PSIP1: variants seen among roughly 807,000 people sequenced by gnomAD.
PSIP1 encodes PC4 and SRSF1 interacting protein 1, also known as PC4 and SFRS1-interacting protein.
Under a neutral mutation model 74.7 loss-of-function variants are expected in PSIP1, and 19 were observed. The observed-to-expected ratio is 0.25, with a 90% CI of 0.18 to 0.37. PSIP1 has a LOEUF of 0.37. Ranked by LOEUF, PSIP1 falls within the 10% of genes least tolerant of loss-of-function variation. The probability of loss-of-function intolerance (pLI) is 1.00; values close to 1 mark genes in which losing one functional copy is unlikely to be tolerated. For synonymous variants in PSIP1, 222 were observed against 195.3 expected (o/e 1.14, Z -1.14); for missense variants, 601 against 614.3 (o/e 0.98, Z 0.23).
At chr9:15,492,656 C>A (rs1376907627) in intron 3 of PSIP1, among the ~76,000 whole-genome samples, 4 of 152,224 alleles carry the variant, frequency 2.6e-5, no homozygotes, top group African/African-American at 7.2e-5. Flanking sequence ...CCCTTCCACA[C>A]AGTCCTAGCA....
chr9:15,495,829 CT>C (rs2037048777), intron 3 of PSIP1, among the ~76,000 whole-genome samples: 1 of 152,194 alleles, frequency 6.6e-6, no homozygotes, highest in African/African-American at 2.4e-5. Flanking sequence ...CTTGCCTTCA[CT>C]AAGTTTCTCT....
intron 3 of PSIP1, among the ~76,000 whole-genome samples, chr9:15,499,077 C>G (rs961097666): frequency 6.6e-6 from 1 of 152,260 alleles, no homozygotes; most frequent in East Asian, 1.9e-4. Context: ...CACCAAAAAC[C>G]TCATTTTAAA....
chr9:15,484,811 GCCGA>G (rs2036488506), intron 6 of PSIP1, among the ~76,000 whole-genome samples: 1 of 151,766 alleles, frequency 6.6e-6, no homozygotes. Context: ...TACTTGGGAG[GCCGA>G]GGCAAGAGAA....
rs530110630 is a variant in PSIP1 at position 15,496,437 on chromosome 9, A to G, written c.150-6313T>C. ...TTGTTTTGTTTGAGCTTTGTCTCAC[A>G]AAATAAGACATAGCAAAGTGGTTTA... On this transcript the variant is annotated intron_variant, in intron 3 of 15. Coordinates refer to ENST00000380733, the MANE Select transcript of PSIP1 (RefSeq NM_033222.5). Among the ~76,000 whole-genome samples, 22 of 152,370 alleles carry G rather than the reference A, an allele frequency of 1.4e-4. No homozygotes were observed. The East Asian group carries it at 4.0e-3, about 28-fold the overall frequency.
rs1563870952 is a variant in PSIP1 at position 15,474,122 on chromosome 9, C to A, written c.745G>T (p.Asp249Tyr). 1 of 1,613,184 alleles carries A rather than the reference C, an allele frequency of 6.2e-7. No individual in the cohort carries two copies. The highest frequency in any genetic ancestry group is 8.5e-7 in the Non-Finnish European group (1 of 1,179,764). The change falls in exon 9 of 16, where the codon GAT becomes TAT. Residue 249 changes from aspartate (D) to tyrosine (Y), a missense_variant. Coordinates refer to ENST00000380733, the MANE Select transcript of PSIP1 (RefSeq NM_033222.5). ...ACTTCTTTCTTCCCCTCTTTTTTATCCGGCTCTTTTCTTGGCTTATCTTCT... is the reference window on the plus strand; with the variant it reads ...ACTTCTTTCTTCCCCTCTTTTTTATACGGCTCTTTTCTTGGCTTATCTTCT... ...KEEDKPRKEPDKKEGKKEVES... is the reference protein window; with the variant it reads ...KEEDKPRKEPYKKEGKKEVES...
At chr9:15,473,164 A>G (rs1003802010) in intron 9 of PSIP1, among the ~76,000 whole-genome samples, 1 of 152,224 alleles carries the variant, frequency 6.6e-6, no homozygotes, top group African/African-American at 2.4e-5. Flanking sequence ...GTAAATCTCT[A>G]AGGCTATACA....
At chr9:15,465,776 ATCT>A (rs2035582740) in intron 15 of PSIP1, 196 bp from the exon 16 acceptor site, 1 of 513,338 alleles carries the variant, frequency 1.9e-6, no homozygotes, top group South Asian at 3.2e-5. Flanking sequence ...ACCATGTTGT[ATCT>A]TCTTCCCAAA....
chr9:15,471,517 C>T, intron 10 of PSIP1: 1 of 976,246 alleles, frequency 1.0e-6, no homozygotes. Context: ...TCAAAAGCAA[C>T]AAACAGTCCA....
At chr9:15,475,622 T>C (rs905142503) in intron 8 of PSIP1, among the ~76,000 whole-genome samples, 5 of 152,182 alleles carry the variant, frequency 3.3e-5, no homozygotes, top group African/African-American at 7.2e-5. Context: ...AAACATACAG[T>C]GGGATACCAT....
chr9:15,485,976 T>G, intron 6 of PSIP1, 30 bp downstream of exon 6: 1 of 1,550,156 alleles, frequency 6.5e-7, no homozygotes, highest in Non-Finnish European at 8.8e-7. Context: ...TCTTTTCAGA[T>G]CCCCATGGTT....
At chr9:15,479,882 T>C (rs1025417220) in intron 6 of PSIP1, among the ~76,000 whole-genome samples, 195 bp from the exon 7 acceptor site, 4 of 152,084 alleles carry the variant, frequency 2.6e-5, no homozygotes. Flanking sequence ...AGTGAACAAC[T>C]CTTAAAAAAA....
intron 10 of PSIP1, chr9:15,471,775 T>C (rs1473320746): frequency 1.1e-6 from 1 of 951,848 alleles, no homozygotes; most frequent in Non-Finnish European, 1.3e-6. Flanking sequence ...AGAAAAAAAG[T>C]ACAAAATTGT....
At chr9:15,470,059 A>G (rs971289204) in intron 10 of PSIP1, 66 bp from the exon 11 acceptor site, 21 of 1,268,758 alleles carry the variant, frequency 1.7e-5, no homozygotes, top group Non-Finnish European at 2.0e-5. Context: ...CACAATCCCT[A>G]TGTAAAAGCT....
At position 15,466,852 on chromosome 9, in the gene PSIP1, C is replaced by G; in HGVS notation, c.1428G>C (p.Lys476Asn). 6.2e-7 allele frequency: 1 copy of G among 1,610,052 alleles called. No individual in the cohort carries two copies. The highest frequency in any genetic ancestry group is 8.5e-7 in the Non-Finnish European group (1 of 1,178,638). Residue 476 changes from lysine (K) to asparagine (N), a missense_variant, in exon 15 of 16, where the codon AAG becomes AAC. By Grantham distance (94) the Lys-to-Asn change is moderately conservative. Transcript: ENST00000380733. Reference sequence around the variant, plus strand: ...GAGCATCAGATCCTCCATTTAGAGTCTTTGACCCTTGCGAAGGAATCCAAT... The same window carrying G: ...GAGCATCAGATCCTCCATTTAGAGTGTTTGACCCTTGCGAAGGAATCCAAT... ...KKLEKEQTGSKTLNGGSDAQD... is the reference protein window; with the variant it reads ...KKLEKEQTGSNTLNGGSDAQD...
At chr9:15,487,412 T>C (rs2036602314) in intron 4 of PSIP1, among the ~76,000 whole-genome samples, 1 of 151,752 alleles carries the variant, frequency 6.6e-6, no homozygotes, top group Non-Finnish European at 1.5e-5. Flanking sequence ...CTGGCTAATA[T>C]GGTGAAACCC....
At chr9:15,501,522 C>T (rs1286659952) in intron 3 of PSIP1, among the ~76,000 whole-genome samples, 1 of 151,860 alleles carries the variant, frequency 6.6e-6, no homozygotes. Context: ...AAACAAAAGA[C>T]CTGAGATAAG....
In PSIP1 at chr9:15,485,315, T is replaced by A. The variant is rs567131880; in HGVS notation, c.456+691A>T. ...GTCCTTCCCTGCTCCTTCATCCGCC[T>A]GACAAAATTCTGCCTGTATTTTAAA... On this transcript the variant is annotated intron_variant, in intron 6 of 15. Coordinates refer to ENST00000380733, the MANE Select transcript of PSIP1 (RefSeq NM_033222.5). Among the ~76,000 whole-genome samples the A allele has an allele frequency of 2.0e-5, 3 of 152,280 alleles. 1 individual carries two copies. In the South Asian group the frequency reaches 6.2e-4, roughly 32 times the overall value.
At chr9:15,505,260 T>C (rs963661404) in intron 3 of PSIP1, 1 of 152,142 alleles carries the variant, frequency 6.6e-6, no homozygotes, top group Non-Finnish European at 1.5e-5. Context: ...TTAATTAAAG[T>C]TCGCAAGAGA....
At chr9:15,493,262 G>A (rs1261061305) in intron 3 of PSIP1, among the ~76,000 whole-genome samples, 1 of 152,178 alleles carries the variant, frequency 6.6e-6, no homozygotes, top group African/African-American at 2.4e-5. Flanking sequence ...AAAGCCACCA[G>A]TCTCCCTGCT....
Sources: allele counts gnomAD v4.1 joint callset (sites outside exome capture counted in the v4.1 genomes callset), GRCh38; gene constraint gnomAD v4.1.1; transcripts MANE v1.5; gene names NCBI Gene and HGNC (gene_info 2026-07-23, HGNC 2026-07-21).